Variants in NCOR2 observed in about 807,000 individuals in gnomAD.
The protein encoded by NCOR2 is CTG repeat protein 26.
Under a neutral mutation model 262.9 loss-of-function variants are expected in NCOR2, and 81 were observed. That is an observed-to-expected ratio of 0.31 (90% CI 0.26 to 0.37). The LOEUF (loss-of-function observed/expected upper bound fraction) is 0.37. Among genes scored for constraint, NCOR2 ranks in the 10% least tolerant of loss-of-function variants. The pLI is 1.00. For missense variants in NCOR2, 3,385 were observed against 3,621.4 expected (o/e 0.93, Z 1.68); for synonymous variants, 1,659 against 1,559.3 (o/e 1.06, Z -1.51).
chr12:124,368,141 G>A (rs1286739009), intron 20 of NCOR2, among the ~76,000 whole-genome samples: 5 of 152,234 alleles, frequency 3.3e-5, no homozygotes, highest in African/African-American at 1.2e-4. Context: ...TCAATCTGGA[G>A]AGTGGAGACG....
At chr12:124,331,668 C>G (rs2035211633) in intron 43 of NCOR2, 4 of 154,696 alleles carry the variant, frequency 2.6e-5, no homozygotes, top group Admixed American at 2.5e-4. Context: ...TGGTCTCGAA[C>G]TCCTGGCTTC....
At chr12:124,557,811 C>A (rs985651845) in intron 1 of NCOR2, among the ~76,000 whole-genome samples, 2 of 152,138 alleles carry the variant, frequency 1.3e-5, no homozygotes, top group African/African-American at 4.8e-5. Context: ...GTGGGCATCA[C>A]CCAGGAGCCA....
At chr12:124,434,162 G>A (rs1252791950) in intron 8 of NCOR2, among the ~76,000 whole-genome samples, 2 of 152,092 alleles carry the variant, frequency 1.3e-5, no homozygotes, top group African/African-American at 4.8e-5. Context: ...TGCTCTCTGG[G>A]AAGAGGTATG....
intron 11 of NCOR2, among the ~76,000 whole-genome samples, chr12:124,422,863 T>G (rs1317108634): frequency 6.6e-6 from 1 of 151,966 alleles, no homozygotes; most frequent in Non-Finnish European, 1.5e-5. Context: ...AGCTCTTTGG[T>G]GGGGTTCCCC....
chr12:124,436,198 A>G (rs908500597), intron 8 of NCOR2, among the ~76,000 whole-genome samples: 1 of 152,176 alleles, frequency 6.6e-6, no homozygotes, highest in Non-Finnish European at 1.5e-5. Flanking sequence ...ATTTCAGTTC[A>G]AGCAGGACTT....
intron 24 of NCOR2, 96 bp downstream of exon 26, chr12:124,355,336 G>A (rs538972154): frequency 3.7e-5 from 55 of 1,468,654 alleles, no homozygotes; most frequent in African/African-American, 2.8e-4. Flanking sequence ...CCAGGCCCCC[G>A]AGAGCCTGGC....
upstream of NCOR2, chr12:124,495,329 G>A: frequency 6.7e-7 from 1 of 1,496,722 alleles, no homozygotes. This position sits in a 1 kb window ranked among gnomAD's most constrained non-coding sequence, Gnocchi z 4.4. Flanking sequence ...TTAAAAGCCA[G>A]TCCTCGTCAT....
chr12:124,385,793 C>T, exon 17 of NCOR2: 3 of 1,614,070 alleles, frequency 1.9e-6, no homozygotes, highest in Non-Finnish European at 1.7e-6. Flanking sequence ...TCTGCCTCTT[C>T]TTGTAGTTGA....
intron 12 of NCOR2, among the ~76,000 whole-genome samples, chr12:124,421,842 G>A (rs978026624): frequency 6.6e-6 from 1 of 152,198 alleles, no homozygotes; most frequent in Admixed American, 6.5e-5. Flanking sequence ...CAGCCTTGTG[G>A]GTGCAAAACA....
rs1008742257 is a variant in NCOR2, at chr12:124,389,809, C to T, written c.1877-3922G>A. 1.3e-5 allele frequency among the ~76,000 whole-genome samples: 2 copies of T among 152,146 alleles called. No individual in the cohort carries two copies. The highest frequency in any genetic ancestry group is 2.4e-5 in the African/African-American group (1 of 41,436). ...GAGCCCTCTGCTGCTGGGGGGGTCT[C>T]GGGACCACAGCTGCCCCTTTCGTCC... On this transcript the variant is annotated intron_variant, in intron 16 of 46. Transcript: ENST00000405201. This position sits in a 1 kb window ranked among gnomAD's most constrained non-coding sequence, Gnocchi z 4.4.
intron 6 of NCOR2, among the ~76,000 whole-genome samples, chr12:124,451,205 G>A (rs2045507090): frequency 6.6e-6 from 1 of 152,252 alleles, no homozygotes; most frequent in Non-Finnish European, 1.5e-5. Flanking sequence ...ACCCAGCCTG[G>A]GCTGATCTAC....
chr12:124,441,491 C>A (rs1431174055), intron 7 of NCOR2, among the ~76,000 whole-genome samples: 2 of 152,132 alleles, frequency 1.3e-5, no homozygotes, highest in African/African-American at 2.4e-5. Flanking sequence ...GAATAAATGT[C>A]CAAGAGAGGA....
chr12:124,331,710 G>C (rs1172148875), intron 43 of NCOR2: 4 of 156,526 alleles, frequency 2.6e-5, no homozygotes, highest in African/African-American at 9.6e-5. Context: ...CTCCCAAAGT[G>C]CTGGGCCTAT....
intron 32 of NCOR2, among the ~76,000 whole-genome samples, chr12:124,344,372 C>T (rs150894060): frequency 0.016 from 2,441 of 152,096 alleles, 24 homozygotes; most frequent in Non-Finnish European, 0.026. Flanking sequence ...GAGGGAGGGG[C>T]GTGGGGGAAG....
At chr12:124,439,422 GA>G (rs376365848) in intron 7 of NCOR2, among the ~76,000 whole-genome samples, 19 of 9,378 alleles carry the variant, frequency 2.0e-3, no homozygotes, top group East Asian at 4.8e-3. Context: ...CCCAGAGAGA[GA>G]GAGAGAGAGA....
chr12:124,363,789 G>A, exon 21 of NCOR2: 1 of 1,363,398 alleles, frequency 7.3e-7, no homozygotes, highest in Non-Finnish European at 9.5e-7. Flanking sequence ...CTGGGCCTTG[G>A]GGACAGCAGC....
intron 13 of NCOR2, among the ~76,000 whole-genome samples, chr12:124,417,245 A>ACACTCACTCCACGGACAGCAGGCCGGG (rs2042954066): frequency 6.6e-6 from 1 of 151,850 alleles, no homozygotes; most frequent in Non-Finnish European, 1.5e-5. Context: ...AGCAGGCCGG[A>ACACTCACTCCACGGACAGCAGGCCGGG]CACTCACTCC....
In NCOR2 at chr12:124,378,492, A is replaced by G; in HGVS notation, c.2020-108T>C. Reference sequence around the variant, plus strand: ...GGTGCAAAGGGCAGTGATCCCGGCCATGTAGCAATGAGGGTGACCGTCCCC... The same window carrying G: ...GGTGCAAAGGGCAGTGATCCCGGCCGTGTAGCAATGAGGGTGACCGTCCCC... On this transcript the variant is annotated intron_variant, in intron 17 of 46. Transcript: ENST00000405201. This position sits in a 1 kb window ranked among gnomAD's most constrained non-coding sequence, Gnocchi z 4.2. 1 of 1,165,180 alleles carries G rather than the reference A, an allele frequency of 8.6e-7. No individual in the cohort carries two copies. Among genetic ancestry groups the G allele is most frequent in the Non-Finnish European group, 1.2e-6 (1 of 847,564 alleles). 72.2% of individuals were successfully genotyped at this position (1,165,180 alleles called of 1,614,324 possible).
chr12:124,336,957 A>T, exon 38 of NCOR2: 1 of 1,533,824 alleles, frequency 6.5e-7, no homozygotes, highest in African/African-American at 1.4e-5. Context: ...TTGCTGGGGG[A>T]GGAGGCGGGC....
Sources: allele counts gnomAD v4.1 joint callset (sites outside exome capture counted in the v4.1 genomes callset), GRCh38; gene constraint gnomAD v4.1.1; non-coding constraint Gnocchi (gnomAD v3.1); transcripts MANE v1.5; gene names NCBI Gene and HGNC (gene_info 2026-07-23, HGNC 2026-07-21).